The following PIBF1 variants were observed in gnomAD, a reference collection of about 807,000 sequenced individuals.
PIBF1 encodes the protein progesterone-induced-blocking factor 1.
A neutral mutation model predicts 112.5 loss-of-function variants in PIBF1; 90 were observed. That is an observed-to-expected ratio of 0.80 (90% confidence interval 0.67 to 0.95). PIBF1 has a LOEUF of 0.95. Among genes scored for constraint, PIBF1 ranks in the 40% least tolerant of loss-of-function variants. The pLI is 0.00. For missense variants in PIBF1, 915 were observed against 852.3 expected (o/e 1.07, Z -0.92); for synonymous variants, 301 against 288.6 (o/e 1.04, Z -0.44).
At chr13:72,814,105 A>G (rs1344997524) in intron 5 of PIBF1, among the ~76,000 whole-genome samples, 2 of 152,128 alleles carry the variant, frequency 1.3e-5, no homozygotes, top group South Asian at 4.1e-4. Flanking sequence ...GCCCAGCTCT[A>G]TTTGTTTATA....
At chr13:73,009,499 A>G (rs2044132978) in intron 17 of PIBF1, among the ~76,000 whole-genome samples, 1 of 152,174 alleles carries the variant, frequency 6.6e-6, no homozygotes. Context: ...TTAGTCAAAT[A>G]AATGCTATTA....
At chr13:72,930,676 C>G (rs1165568237) in intron 13 of PIBF1, among the ~76,000 whole-genome samples, 2 of 152,110 alleles carry the variant, frequency 1.3e-5, no homozygotes, top group African/African-American at 4.8e-5. Context: ...TCTTTTTCAT[C>G]TCCACTTTCA....
chr13:72,909,990 A>G (rs536509317), intron 12 of PIBF1, among the ~76,000 whole-genome samples: 11 of 152,298 alleles, frequency 7.2e-5, no homozygotes, highest in African/African-American at 2.6e-4. Context: ...ATTTGTGTTC[A>G]AAAGTCAGAT....
chr13:72,873,147 A>C (rs2039235799), intron 10 of PIBF1, among the ~76,000 whole-genome samples: 1 of 152,144 alleles, frequency 6.6e-6, no homozygotes, highest in African/African-American at 2.4e-5. Context: ...AATTTTGAAA[A>C]AGGGAGATGA....
chr13:72,895,258 A>T, intron 11 of PIBF1, among the ~76,000 whole-genome samples: 1 of 147,160 alleles, frequency 6.8e-6, no homozygotes, highest in South Asian at 2.1e-4. Flanking sequence ...AAATTCATAA[A>T]TTTTAAAATT....
At chr13:72,998,272 TTGTC>T (rs915265704) in intron 16 of PIBF1, among the ~76,000 whole-genome samples, 5 of 152,126 alleles carry the variant, frequency 3.3e-5, no homozygotes, top group Non-Finnish European at 5.9e-5. Flanking sequence ...GTTCCCAAAT[TTGTC>T]TGTCTATTAG....
At chr13:72,905,298 C>T (rs1380657898) in intron 11 of PIBF1, among the ~76,000 whole-genome samples, 1 of 151,914 alleles carries the variant, frequency 6.6e-6, no homozygotes, top group African/African-American at 2.4e-5. Context: ...GAACTGCTGA[C>T]CTCGTGATCC....
chr13:72,806,759 T>C (rs537331864), intron 5 of PIBF1, among the ~76,000 whole-genome samples: 2 of 152,302 alleles, frequency 1.3e-5, no homozygotes, highest in African/African-American at 4.8e-5. Flanking sequence ...CAGTATCTAG[T>C]CTATCATTGA....
At chr13:72,836,618 G>A (rs567491666) in intron 9 of PIBF1, among the ~76,000 whole-genome samples, 41 of 152,178 alleles carry the variant, frequency 2.7e-4, no homozygotes, top group African/African-American at 9.6e-4. Context: ...ATTTAATATA[G>A]CAGGTTGGTA....
At chr13:72,985,406 G>A (rs2043257136) in intron 16 of PIBF1, among the ~76,000 whole-genome samples, 1 of 151,354 alleles carries the variant, frequency 6.6e-6, no homozygotes, top group South Asian at 2.1e-4. Flanking sequence ...CAGGGCGGTG[G>A]CGGGTGCCTT....
chr13:72,834,191 G>A lies in PIBF1; in HGVS notation c.1098-1052G>A, dbSNP rs149597546. 4.6e-3 allele frequency among the ~76,000 whole-genome samples: 694 copies of A among 152,220 alleles called. 6 individuals are homozygous for A. Among genetic ancestry groups the A allele is most frequent in the African/African-American group, 0.015 (640 of 41,528 alleles). ...AAAAGAATTATGAGGAGATGGTATCGCATTGTGTTTTAACTTATATGCCCT... is the reference window on the plus strand; with the variant it reads ...AAAAGAATTATGAGGAGATGGTATCACATTGTGTTTTAACTTATATGCCCT... On this transcript the variant is annotated intron_variant, in intron 8 of 17. Coordinates refer to ENST00000326291, the MANE Select transcript of PIBF1 (RefSeq NM_006346.4).
At chr13:72,852,563 C>T (rs2038214856) in intron 9 of PIBF1, among the ~76,000 whole-genome samples, 1 of 152,122 alleles carries the variant, frequency 6.6e-6, no homozygotes, top group African/African-American at 2.4e-5. Context: ...TGGAACAAGC[C>T]CAGTGGGCCT....
chr13:73,009,857 A>T (rs149857054), intron 17 of PIBF1, among the ~76,000 whole-genome samples: 1 of 152,362 alleles, frequency 6.6e-6, no homozygotes, highest in Non-Finnish European at 1.5e-5. Context: ...AATGGTCTGC[A>T]GTGTAGCAGA....
intron 14 of PIBF1, among the ~76,000 whole-genome samples, chr13:72,954,379 C>T (rs1043540124): frequency 2.6e-5 from 4 of 152,202 alleles, no homozygotes; most frequent in Non-Finnish European, 5.9e-5. Flanking sequence ...TTCATGCCAG[C>T]CCCCTGGTTC....
intron 10 of PIBF1, 89 bp from the exon 11 acceptor site, chr13:72,893,695 G>A (rs867454225): frequency 1.0e-5 from 7 of 679,026 alleles, no homozygotes; most frequent in Middle Eastern, 4.6e-4. Flanking sequence ...AAATATGGGG[G>A]AGTAGAAAAC....
intron 9 of PIBF1, among the ~76,000 whole-genome samples, chr13:72,838,272 A>G (rs940979720): frequency 2.0e-5 from 3 of 152,236 alleles, no homozygotes; most frequent in Non-Finnish European, 2.9e-5. Flanking sequence ...TAGAGAAACA[A>G]TTATCATAAG....
In PIBF1 at chr13:72,864,709, A is replaced by C. The variant is rs116574608; in HGVS notation, c.1322+10554A>C. On this transcript the variant is annotated intron_variant, in intron 10 of 17. Coordinates refer to ENST00000326291, the MANE Select transcript of PIBF1 (RefSeq NM_006346.4). ...GCCAGCTAACTAAATCAACTCATAA[A>C]AACTAAAGTTAAGGGTAAGATTATT... Among the ~76,000 whole-genome samples the C allele has an allele frequency of 7.7e-4, 118 of 152,290 alleles. 1 individual carries two copies. Among genetic ancestry groups the C allele is most frequent in the South Asian group, 7.3e-3 (35 of 4,824 alleles).
chr13:72,809,377 A>G (rs1019929678), intron 5 of PIBF1, among the ~76,000 whole-genome samples: 1 of 151,746 alleles, frequency 6.6e-6, no homozygotes, highest in Non-Finnish European at 1.5e-5. Context: ...GTATTCAGAG[A>G]TGTCTCAGTT....
intron 14 of PIBF1, among the ~76,000 whole-genome samples, chr13:72,954,701 C>G (rs1289773777): frequency 2.0e-5 from 3 of 152,220 alleles, no homozygotes; most frequent in Non-Finnish European, 4.4e-5. Flanking sequence ...ATCTTATGCT[C>G]TGGAGATTCA....
Sources: allele counts gnomAD v4.1 joint callset (sites outside exome capture counted in the v4.1 genomes callset), GRCh38; gene constraint gnomAD v4.1.1; transcripts MANE v1.5; gene names NCBI Gene and HGNC (gene_info 2026-07-23, HGNC 2026-07-21).